The following HS3ST5 variants were observed in gnomAD, a reference collection of about 807,000 sequenced individuals.
HS3ST5 encodes heparan sulfate-glucosamine 3-sulfotransferase 5, also known as heparan sulfate glucosamine 3-O-sulfotransferase 5.
Under a neutral mutation model 25.4 loss-of-function variants are expected in HS3ST5, and 10 were observed. The ratio of observed to expected loss-of-function variants is 0.39; its 90% CI spans 0.24 to 0.67. The LOEUF (loss-of-function observed/expected upper bound fraction) is 0.67, where lower values mean the gene tolerates loss of function less well. Ranked by LOEUF, HS3ST5 falls within the 30% of genes least tolerant of loss-of-function variation. The pLI is 0.44. For synonymous variants in HS3ST5, 170 were observed against 162.4 expected (o/e 1.05, Z -0.36); for missense variants, 324 against 420.7 (o/e 0.77, Z 2.01).
chr6:114,246,861 CTG>C (rs1300063380), intron 1 of HS3ST5, among the ~76,000 whole-genome samples: 3 of 152,132 alleles, frequency 2.0e-5, no homozygotes, highest in Admixed American at 2.0e-4. Context: ...TTTAGCCAAA[CTG>C]TTACTTTATC....
chr6:114,235,573 A>C (rs1480549084), intron 1 of HS3ST5: 1 of 152,184 alleles, frequency 6.6e-6, no homozygotes, highest in Non-Finnish European at 1.5e-5. Context: ...TTAATACAGG[A>C]AGGGGAGGGC....
intron 1 of HS3ST5, chr6:114,239,016 TA>T (rs1771983509): frequency 6.6e-6 from 1 of 152,220 alleles, no homozygotes; most frequent in South Asian, 2.1e-4. Context: ...AGACAGATCA[TA>T]CTTTTCTAAG....
chr6:114,193,384 C>T (rs906012130), intron 2 of HS3ST5, among the ~76,000 whole-genome samples: 3 of 152,152 alleles, frequency 2.0e-5, no homozygotes, highest in African/African-American at 7.2e-5. Flanking sequence ...AAAGATGGAC[C>T]TGGTGAGTAA....
intron 1 of HS3ST5, among the ~76,000 whole-genome samples, chr6:114,318,373 T>C (rs1775827718): frequency 6.6e-6 from 1 of 152,194 alleles, no homozygotes; most frequent in Admixed American, 6.6e-5. Flanking sequence ...CACTGGATTG[T>C]TCAAATTGCT....
intron 3 of HS3ST5, among the ~76,000 whole-genome samples, chr6:114,146,826 G>A (rs373163659): frequency 4.5e-4 from 69 of 152,214 alleles, no homozygotes; most frequent in Admixed American, 2.5e-3. Context: ...TCCTGCTCCC[G>A]CTTTACCCTC....
chr6:114,082,922 C>T (rs1774540870), intron 3 of HS3ST5, among the ~76,000 whole-genome samples: 1 of 152,176 alleles, frequency 6.6e-6, no homozygotes, highest in East Asian at 1.9e-4. Context: ...GCAGCAGGGG[C>T]CACATGTGTC....
chr6:114,128,873 G>A (rs927199009), intron 3 of HS3ST5, among the ~76,000 whole-genome samples: 5 of 152,144 alleles, frequency 3.3e-5, no homozygotes, highest in African/African-American at 1.2e-4. Flanking sequence ...AAAATATTAG[G>A]TAGACACACA....
chr6:114,339,445 T>C (rs1044542302), intron 1 of HS3ST5, among the ~76,000 whole-genome samples: 1 of 151,960 alleles, frequency 6.6e-6, no homozygotes, highest in Non-Finnish European at 1.5e-5. Flanking sequence ...ACTACTTTTG[T>C]TAACTTGTTC....
rs144413801 is a variant in HS3ST5, at chr6:114,058,019, G to C, written c.279C>G (p.Ala93=). The part of the protein sequence containing the change: ...LHDLVQQLPK[A]IIIGVRKGGT... ...CTCCTTTCCTCACCCCAATGATAAT[G>C]GCCTTGGGGAGCTGCTGGACCAGGT... Residue 93 remains alanine, a synonymous_variant, in exon 5 of 5, where the codon GCC becomes GCG. Transcript: ENST00000312719. The C allele has an allele frequency of 2.1e-3, 3,358 of 1,614,158 alleles. 7 individuals carry two copies. Among genetic ancestry groups the C allele is most frequent in the Admixed American group, 2.5e-3 (152 of 60,024 alleles).
chr6:114,240,717 C>T (rs1251584621), intron 1 of HS3ST5, among the ~76,000 whole-genome samples: 1 of 152,050 alleles, frequency 6.6e-6, no homozygotes, highest in African/African-American at 2.4e-5. Context: ...AACACAGAGC[C>T]GTAACTGTAG....
chr6:114,135,989 C>T (rs1777582677), intron 3 of HS3ST5, among the ~76,000 whole-genome samples: 1 of 152,212 alleles, frequency 6.6e-6, no homozygotes, highest in South Asian at 2.1e-4. Context: ...GGCAGAGATC[C>T]TTGTGTTCTG....
intron 3 of HS3ST5, among the ~76,000 whole-genome samples, chr6:114,147,953 A>G (rs537596083): frequency 6.6e-6 from 1 of 152,262 alleles, no homozygotes; most frequent in Non-Finnish European, 1.5e-5. Context: ...ATCCTCCTTC[A>G]TCCGAATGCA....
At chr6:114,196,461 T>C (rs753397860) in intron 2 of HS3ST5, among the ~76,000 whole-genome samples, 12 of 152,152 alleles carry the variant, frequency 7.9e-5, no homozygotes, top group Non-Finnish European at 1.2e-4. Context: ...TACAACCTTA[T>C]AGTAGGTTCT....
chr6:114,062,986 A>G (rs1227786977), intron 3 of HS3ST5, 109 bp from the exon 4 acceptor site: 6 of 604,052 alleles, frequency 9.9e-6, no homozygotes, highest in Non-Finnish European at 1.8e-5. Flanking sequence ...CAAAGAGCAG[A>G]TCCCATACCA....
intron 3 of HS3ST5, among the ~76,000 whole-genome samples, chr6:114,148,489 C>T (rs986987118): frequency 5.9e-5 from 9 of 151,988 alleles, no homozygotes; most frequent in South Asian, 4.2e-4. Flanking sequence ...GGTGTGGTGG[C>T]GGACACCTGT....
chr6:114,142,895 G>A lies in HS3ST5; in HGVS notation c.-33+25456C>T, dbSNP rs1777978872. On this transcript the variant is annotated intron_variant, in intron 3 of 4. Transcript: ENST00000312719. ...ACCTCACTCACCAATTCCTGCCTTA[G>A]TACCACAGCAATTATCTTTGCCTAA... The A allele has an allele frequency of 2.0e-5, 3 of 152,314 alleles. No homozygotes were observed. In the South Asian group the frequency reaches 6.2e-4, roughly 32 times the overall value. The allele number at this position is 152,314 out of a possible 1,614,324, so 9.4% of individuals were successfully genotyped here.
chr6:114,243,490 T>C (rs1772236574), intron 1 of HS3ST5, among the ~76,000 whole-genome samples: 1 of 152,218 alleles, frequency 6.6e-6, no homozygotes, highest in African/African-American at 2.4e-5. Flanking sequence ...TTGGTTATCA[T>C]GGGGGTTTTT....
intron 2 of HS3ST5, among the ~76,000 whole-genome samples, chr6:114,186,997 C>T (rs1780247699): frequency 6.6e-6 from 1 of 152,188 alleles, no homozygotes; most frequent in South Asian, 2.1e-4. Flanking sequence ...GCATTGTTCA[C>T]TAAGTGTTTT....
intron 3 of HS3ST5, among the ~76,000 whole-genome samples, chr6:114,111,185 T>A (rs1268290133): frequency 6.6e-6 from 1 of 152,202 alleles, no homozygotes; most frequent in Non-Finnish European, 1.5e-5. Flanking sequence ...TATAAACTTC[T>A]CAGTCCATTT....
Sources: gnomAD v4.1 joint callset for allele counts (sites outside exome capture counted in the v4.1 genomes callset) on GRCh38, gnomAD v4.1.1 for gene constraint, MANE v1.5 for transcripts, NCBI Gene and HGNC (gene_info 2026-07-23, HGNC 2026-07-21) for gene names.